The following DGKI variants were observed in gnomAD, a reference collection of about 807,000 sequenced individuals.
The protein encoded by DGKI is diacylglycerol kinase iota, also known as DAG kinase iota.
A neutral mutation model predicts 147.5 loss-of-function variants in DGKI; 55 were observed. The observed-to-expected ratio is 0.37, with a 90% confidence interval of 0.30 to 0.47. The LOEUF is 0.47. DGKI is among the 20% of genes least tolerant of loss of function. The pLI, the probability that DGKI is intolerant of heterozygous loss-of-function variation, is 1.00. For synonymous variants in DGKI, 469 were observed against 477.1 expected, an observed-to-expected ratio of 0.98 and a Z score of 0.22; for missense variants, 1,007 against 1,323.8, an observed-to-expected ratio of 0.76 and a Z score of 3.71.
chr7:137,475,522 G>A (rs969274706), intron 23 of DGKI, among the ~76,000 whole-genome samples: 3 of 152,096 alleles, frequency 2.0e-5, no homozygotes, highest in Non-Finnish European at 2.9e-5. Flanking sequence ...CAAAATTAAC[G>A]TGTCACTTGC....
At chr7:137,470,380 T>C (rs1388608551) in intron 23 of DGKI, among the ~76,000 whole-genome samples, 2 of 152,158 alleles carry the variant, frequency 1.3e-5, no homozygotes. Context: ...AAAATAGTTC[T>C]CTTCTCTCCA....
rs115527030 is a variant in DGKI, at chr7:137,684,728, C to T, written c.510+5166G>A. On this transcript the variant is annotated intron_variant, in intron 2 of 32. Transcript: ENST00000614521. ...GATTTATAGTGAGTAGTTCCTTATG[C>T]GCTGCTCAACAAACAGTCTCATTTA... Among the ~76,000 whole-genome samples the T allele has an allele frequency of 9.6e-3, 1,469 of 152,258 alleles. 24 individuals carry two copies. Among genetic ancestry groups the T allele is most frequent in the African/African-American group, 0.034 (1,394 of 41,520 alleles).
At chr7:137,590,826 G>A (rs1233696514) in intron 12 of DGKI, among the ~76,000 whole-genome samples, 4 of 152,176 alleles carry the variant, frequency 2.6e-5, no homozygotes, top group Admixed American at 6.5e-5. Context: ...GCGAGCAGCT[G>A]GGACCACAGG....
intron 1 of DGKI, among the ~76,000 whole-genome samples, chr7:137,833,854 C>T (rs1005757198): frequency 2.0e-5 from 3 of 152,160 alleles, no homozygotes; most frequent in Non-Finnish European, 4.4e-5. Context: ...CTCAAGGCTA[C>T]ACACAAGAGG....
intron 23 of DGKI, among the ~76,000 whole-genome samples, chr7:137,473,333 G>A (rs931995896): frequency 1.3e-5 from 2 of 152,028 alleles, no homozygotes; most frequent in South Asian, 2.1e-4. Context: ...CACATGGGTC[G>A]CCATAAAGCT....
intron 6 of DGKI, among the ~76,000 whole-genome samples, chr7:137,625,197 C>T (rs1278545945): frequency 6.6e-6 from 1 of 152,140 alleles, no homozygotes; most frequent in Non-Finnish European, 1.5e-5. Context: ...TGGTGGCTCA[C>T]GCCTGTAATC....
intron 31 of DGKI, among the ~76,000 whole-genome samples, chr7:137,396,415 G>A (rs889178464): frequency 4.6e-5 from 7 of 152,236 alleles, no homozygotes; most frequent in Admixed American, 2.0e-4. Context: ...AGGCTCTATA[G>A]GGAGGAGGGT....
At chr7:137,838,283 T>A (rs1396505782) in intron 1 of DGKI, among the ~76,000 whole-genome samples, 1 of 152,094 alleles carries the variant, frequency 6.6e-6, no homozygotes, top group Non-Finnish European at 1.5e-5. Context: ...GATTACAGGC[T>A]CTTCCTTCAA....
At chr7:137,788,796 A>C (rs577941934) in intron 1 of DGKI, among the ~76,000 whole-genome samples, 1 of 152,100 alleles carries the variant, frequency 6.6e-6, no homozygotes, top group Non-Finnish European at 1.5e-5. Context: ...CTGGGGAGTT[A>C]AGTGGATTAA....
intron 28 of DGKI, among the ~76,000 whole-genome samples, chr7:137,441,626 G>A (rs1813513299): frequency 6.6e-6 from 1 of 152,070 alleles, no homozygotes; most frequent in Admixed American, 6.6e-5. Flanking sequence ...AAATACCAGG[G>A]TTATTGGACG....
chr7:137,690,746 A>T (rs1399348612), intron 1 of DGKI, among the ~76,000 whole-genome samples: 2 of 152,180 alleles, frequency 1.3e-5, no homozygotes, highest in Non-Finnish European at 2.9e-5. Flanking sequence ...GTCTGCAAAG[A>T]AATGAAACAA....
chr7:137,402,099 AAAT>A (rs1429664662), intron 30 of DGKI, among the ~76,000 whole-genome samples: 2 of 152,248 alleles, frequency 1.3e-5, no homozygotes, highest in Non-Finnish European at 2.9e-5. Context: ...AGGGTTGTAA[AAAT>A]TAAATATGAT....
chr7:137,453,445 C>T (rs1001188749), intron 27 of DGKI, among the ~76,000 whole-genome samples: 2 of 152,150 alleles, frequency 1.3e-5, no homozygotes, highest in Non-Finnish European at 1.5e-5. Context: ...AAATCTCCAT[C>T]GACTACATAA....
intron 21 of DGKI, among the ~76,000 whole-genome samples, chr7:137,510,912 C>T (rs1168208892): frequency 6.6e-6 from 1 of 152,214 alleles, no homozygotes; most frequent in Non-Finnish European, 1.5e-5. Context: ...CAAACAAAGA[C>T]ATCCCTAGCA....
intron 15 of DGKI, among the ~76,000 whole-genome samples, chr7:137,578,870 G>C (rs1819078361): frequency 6.6e-6 from 1 of 152,134 alleles, no homozygotes; most frequent in South Asian, 2.1e-4. Flanking sequence ...TTTGATTTGT[G>C]TTTGGAATAA....
At chr7:137,718,041 C>A (rs1341929627) in intron 1 of DGKI, among the ~76,000 whole-genome samples, 1 of 152,108 alleles carries the variant, frequency 6.6e-6, no homozygotes, top group East Asian at 1.9e-4. Flanking sequence ...TGCCGTCCCA[C>A]CTAGAATGAG....
At chr7:137,723,589 C>T (rs964378333) in intron 1 of DGKI, among the ~76,000 whole-genome samples, 1 of 145,880 alleles carries the variant, frequency 6.9e-6, no homozygotes, top group African/African-American at 2.7e-5. Context: ...ACGAGTCAAA[C>T]AACAAACAAA....
At chr7:137,474,726 A>G (rs1815107814) in intron 23 of DGKI, among the ~76,000 whole-genome samples, 2 of 152,208 alleles carry the variant, frequency 1.3e-5, no homozygotes, top group Non-Finnish European at 2.9e-5. Context: ...GACAGATCTG[A>G]TGAATGAGAT....
intron 21 of DGKI, among the ~76,000 whole-genome samples, chr7:137,490,598 G>A (rs1563050744): frequency 6.6e-6 from 1 of 152,090 alleles, no homozygotes; most frequent in African/African-American, 2.4e-5. Context: ...GAAAAATATT[G>A]TAATCTGACA....
Sources: gnomAD v4.1 joint callset for allele counts (sites outside exome capture counted in the v4.1 genomes callset) on GRCh38, gnomAD v4.1.1 for gene constraint, MANE v1.5 for transcripts, NCBI Gene and HGNC (gene_info 2026-07-23, HGNC 2026-07-21) for gene names.